The following ALDOA variants were observed in gnomAD, a reference collection of about 807,000 sequenced individuals.
ALDOA encodes the protein aldolase, fructose-bisphosphate A.
A neutral mutation model predicts 43.9 loss-of-function variants in ALDOA; 26 were observed. The observed-to-expected ratio is 0.59, with a 90% CI of 0.43 to 0.82. The LOEUF (loss-of-function observed/expected upper bound fraction) is 0.82. ALDOA is among the 40% of genes least tolerant of loss of function. The probability of loss-of-function intolerance (pLI) is 0.00; values close to 1 mark genes in which losing one functional copy is unlikely to be tolerated. For synonymous variants in ALDOA, 258 were observed against 222.6 expected, an observed-to-expected ratio of 1.16 and a Z score of -1.42; for missense variants, 498 against 549.5, an observed-to-expected ratio of 0.91 and a Z score of 0.94.
chr16:30,065,509 G>A (rs1329736134), upstream of ALDOA, among the ~76,000 whole-genome samples: 2 of 152,204 alleles, frequency 1.3e-5, no homozygotes, highest in African/African-American at 4.8e-5. Context: ...CGCCAGGCTG[G>A]GGGAAAGGAG....
chr16:30,068,054 T>C (rs2072182603), intron 4 of ALDOA: 1 of 242,218 alleles, frequency 4.1e-6, no homozygotes, highest in Admixed American at 5.4e-5. Flanking sequence ...ACTAAACATT[T>C]TAAGTAAATT....
Position 30,068,871 on chromosome 16 carries a change from T to C in ALDOA, c.595T>C (p.Phe199Leu), listed in dbSNP as rs1596813429. 2.5e-6 allele frequency: 4 copies of C among 1,614,242 alleles called. No individual in the cohort carries two copies. The South Asian group carries it at 3.3e-5, about 13-fold the overall frequency. Residue 199 changes from phenylalanine to leucine, a missense_variant, in exon 6 of 10, where the codon TTC becomes CTC. Physicochemically the swap from Phe to Leu is conservative, Grantham distance 22 (BLOSUM62 0). Coordinates refer to ENST00000642816, the MANE Select transcript of ALDOA (RefSeq NM_001243177.4). ...CAQYKKDGAD[F>L]AKWRCVLKIG... Reference sequence around the variant, plus strand: ...CCAGTACAAGAAGGACGGAGCTGACTTCGCCAAGTGGCGTTGTGTGCTGAA... The same window carrying C: ...CCAGTACAAGAAGGACGGAGCTGACCTCGCCAAGTGGCGTTGTGTGCTGAA...
At chr16:30,067,089 G>A (rs778867595) in intron 2 of ALDOA, 51 bp downstream of exon 2, 278 of 1,569,586 alleles carry the variant, frequency 1.8e-4, no homozygotes, top group Non-Finnish European at 2.3e-4. Flanking sequence ...GAGAGCTGGG[G>A]ACCAGAAGTG....
chr16:30,067,683 G>C, intron 4 of ALDOA, 22 bp downstream of exon 4: 1 of 1,613,706 alleles, frequency 6.2e-7, no homozygotes, highest in Admixed American at 1.7e-5. Flanking sequence ...GCCTCCGGAC[G>C]TGAGGTTTGA....
At chr16:30,066,491 G>A (rs2072109691) in intron 1 of ALDOA, among the ~76,000 whole-genome samples, 1 of 152,254 alleles carries the variant, frequency 6.6e-6, no homozygotes, top group East Asian at 1.9e-4. Flanking sequence ...TGCCCCGTAG[G>A]AACAGTGACG....
upstream of ALDOA, chr16:30,064,360 G>C: frequency 2.5e-6 from 1 of 398,782 alleles, no homozygotes; most frequent in Non-Finnish European, 4.4e-6. Context: ...ATTAGAGAAG[G>C]AGCCAGGGAG....
In ALDOA at chr16:30,070,275, GAGGCCGCCTC is replaced by G. The variant is rs1325991350; in HGVS notation, c.*64_*73del. The G allele has an allele frequency of 6.5e-7, 1 of 1,541,244 alleles. No individual in the cohort carries two copies. The highest frequency in any genetic ancestry group is 9.0e-7 in the Non-Finnish European group (1 of 1,114,466). On this transcript the variant is annotated 3_prime_UTR_variant, in exon 10 of 10. Transcript: ENST00000642816. ...CCTGCCCCCTCCCACTCTTGAAGAG[GAGGCCGCCTC>G]CTCGGGGCTCCAGGCTGGCTTGCCC...
chr16:30,066,905 G>T lies in ALDOA; in HGVS notation c.8G>T (p.Arg3Met). 1 of 1,550,034 alleles carries T rather than the reference G, an allele frequency of 6.5e-7. No individual in the cohort carries two copies. The highest frequency in any genetic ancestry group is 8.7e-7 in the Non-Finnish European group (1 of 1,146,600). Residue 3 changes from arginine (R) to methionine (M), a missense_variant, in exon 2 of 10, where the codon AGG becomes ATG. Coordinates refer to ENST00000642816, the MANE Select transcript of ALDOA (RefSeq NM_001243177.4). MA[R>M]RKPEGSSFNM... is the part of the protein sequence containing the mutation. ...TTCAGGCAAGGTGACCCCATGGCAA[G>T]GCGCAAGCCAGAAGGGTCCAGCTTC...
chr16:30,067,787 T>G, intron 4 of ALDOA, 126 bp downstream of exon 4: 2 of 1,071,688 alleles, frequency 1.9e-6, no homozygotes, highest in Non-Finnish European at 2.8e-6. Context: ...GCTTCAGGCT[T>G]AGGGCATTTA....
chr16:30,067,630 T>C lies in ALDOA; in HGVS notation c.455T>C (p.Ile152Thr), dbSNP rs1204478196. The C allele has an allele frequency of 6.2e-7, 1 of 1,614,138 alleles. No individual in the cohort carries two copies. Among genetic ancestry groups the C allele is most frequent in the Non-Finnish European group, 8.5e-7 (1 of 1,180,016 alleles). Residue 152 changes from isoleucine (I) to threonine (T), a missense_variant, in exon 4 of 10, where the codon ATC (isoleucine) becomes ACC (threonine). By Grantham distance (89) the Ile-to-Thr change is moderately conservative (BLOSUM62 -1). Coordinates refer to ENST00000642816, the MANE Select transcript of ALDOA (RefSeq NM_001243177.4). The stretch of plus-strand genomic sequence containing the variant: ...GATGGGCGTCCCTTCCCCCAAGTTA[T>C]CAAATCCAAGGGCGGTGTTGTGGGC... ...ADDGRPFPQV[I>T]KSKGGVVGIK...
At chr16:30,064,749 G>C (rs998114789), upstream of ALDOA, 16 of 281,194 alleles carry the variant, frequency 5.7e-5, no homozygotes, top group Middle Eastern at 1.9e-3. Flanking sequence ...ACTCGCTGCT[G>C]ACCAGGCTCT....
At chr16:30,066,812 C>T in intron 1 of ALDOA, 73 bp from the exon 2 acceptor site, 67 of 1,468,416 alleles carry the variant, frequency 4.6e-5, no homozygotes, top group Non-Finnish European at 6.1e-5. Flanking sequence ...CCCTTTCCCA[C>T]GAGGGTGTTG....
chr16:30,069,435 C>A (rs1338799408), intron 7 of ALDOA, 46 bp downstream of exon 7: 3 of 1,613,878 alleles, frequency 1.9e-6, no homozygotes, highest in African/African-American at 1.3e-5. Context: ...TGGCCGGGGA[C>A]CCTGGGGCTA....
chr16:30,067,803 C>A, intron 4 of ALDOA, 142 bp downstream of exon 4: 2 of 890,434 alleles, frequency 2.2e-6, no homozygotes, highest in Non-Finnish European at 3.6e-6. Context: ...ATTTACTCGA[C>A]ATTTTTAATC....
rs373133306 is a variant in ALDOA at position 30,068,728 on chromosome 16, C to T, written c.541+28C>T. On this transcript the variant is annotated intron_variant, in intron 5 of 9. Coordinates refer to ENST00000642816, the MANE Select transcript of ALDOA (RefSeq NM_001243177.4). ...GAGAACTGTTTGATTCTCTGCCCTACGAACCCAACCAGAGCAGGTTTGGGT... is the reference window on the plus strand; with the variant it reads ...GAGAACTGTTTGATTCTCTGCCCTATGAACCCAACCAGAGCAGGTTTGGGT... 1.3e-5 allele frequency: 21 copies of T among 1,614,102 alleles called. No homozygotes were observed. In the African/African-American group the frequency reaches 2.1e-4, roughly 16 times the overall value.
Position 30,069,898 on chromosome 16 carries a change from T to C in ALDOA, c.1030T>C (p.Cys344Arg), listed in dbSNP as rs1281263847. The C allele has an allele frequency of 6.2e-7, 1 of 1,614,070 alleles. No individual in the cohort carries two copies. Residue 344 changes from cysteine (C) to arginine (R), a missense_variant, in exon 9 of 10, where the codon TGC becomes CGC. Transcript: ENST00000642816. ...ASINLNAINK[C>R]PLLKPWALTF... ...CATCAACCTCAATGCCATTAACAAGTGCCCCCTGCTGAAGCCCTGGGCCCT... is the reference window on the plus strand; with the variant it reads ...CATCAACCTCAATGCCATTAACAAGCGCCCCCTGCTGAAGCCCTGGGCCCT...
intron 8 of ALDOA, 61 bp from the exon 9 acceptor site, chr16:30,069,769 G>T (rs2072254049): frequency 6.2e-7 from 1 of 1,612,184 alleles, no homozygotes; most frequent in South Asian, 1.1e-5. Context: ...ACTTCCACCA[G>T]CTCCTGCCAG....
Position 30,069,855 on chromosome 16 carries a change from G to A in ALDOA, c.987G>A (p.Gln329=). The A allele has an allele frequency of 6.2e-7, 1 of 1,614,192 alleles. No homozygotes were observed. The highest frequency in any genetic ancestry group is 8.5e-7 in the Non-Finnish European group (1 of 1,180,044). ...GGATCACCTTCCTGTCTGGAGGCCA[G>A]AGTGAGGAGGAGGCGTCCATCAACC... ...VTGITFLSGG[Q]SEEEASINLN... The change falls in exon 9 of 10, where the codon CAG becomes CAA. Residue 329 remains glutamine, a synonymous_variant. Coordinates refer to ENST00000642816, the MANE Select transcript of ALDOA (RefSeq NM_001243177.4).
At chr16:30,069,756 G>A (rs2072253143) in intron 8 of ALDOA, 74 bp from the exon 9 acceptor site, 1 of 1,611,524 alleles carries the variant, frequency 6.2e-7, no homozygotes, top group Non-Finnish European at 8.5e-7. Context: ...GATTTCCATG[G>A]CAACTTCCAC....
Sources: gnomAD v4.1 joint callset for allele counts (sites outside exome capture counted in the v4.1 genomes callset) on GRCh38, gnomAD v4.1.1 for gene constraint, MANE v1.5 for transcripts, NCBI Gene and HGNC (gene_info 2026-07-23, HGNC 2026-07-21) for gene names.